The following FKBP5 variants were observed in gnomAD, a reference collection of about 807,000 sequenced individuals.
The protein encoded by FKBP5 is peptidyl-prolyl cis-trans isomerase FKBP5.
A neutral mutation model predicts 50.5 loss-of-function variants in FKBP5; 23 were observed. The ratio of observed to expected loss-of-function variants is 0.46; its 90% CI spans 0.33 to 0.65. The LOEUF (loss-of-function observed/expected upper bound fraction) is 0.65, where lower values mean the gene tolerates loss of function less well. Among genes scored for constraint, FKBP5 ranks in the 30% least tolerant of loss-of-function variants. The pLI is 0.02. For synonymous variants in FKBP5, 176 were observed against 190.6 expected, an observed-to-expected ratio of 0.92 and a Z score of 0.63; for missense variants, 411 against 553.1, an observed-to-expected ratio of 0.74 and a Z score of 2.58.
At chr6:35,625,767 AATTT>A (rs532035754) in intron 3 of FKBP5, among the ~76,000 whole-genome samples, 46 of 147,062 alleles carry the variant, frequency 3.1e-4, no homozygotes, top group Non-Finnish European at 5.7e-4. Flanking sequence ...ACATAATGTC[AATTT>A]ATTTATTTAT....
intron 5 of FKBP5, among the ~76,000 whole-genome samples, chr6:35,610,190 T>C (rs1763446523): frequency 1.3e-5 from 2 of 152,144 alleles, no homozygotes; most frequent in African/African-American, 4.8e-5. Flanking sequence ...CACAGGAAAG[T>C]TGACTTTAGG....
chr6:35,577,054 G>C lies in FKBP5; in HGVS notation c.1206C>G (p.Asn402Lys), dbSNP rs373264047. 2 of 1,614,054 alleles carry C rather than the reference G, an allele frequency of 1.2e-6. No homozygotes were observed. The highest frequency in any genetic ancestry group is 1.7e-6 in the Non-Finnish European group (2 of 1,180,032). The change falls in exon 10 of 11, where the codon AAC (asparagine) becomes AAG (lysine). Residue 402 changes from asparagine to lysine, a missense_variant. Asn to Lys is a moderately conservative substitution (Grantham distance 94). Transcript: ENST00000357266. ...SMCQKKAKEH[N>K]ERDRRIYANM... Reference sequence around the variant, plus strand: ...TGGCGTATATCCTGCGGTCCCGCTCGTTGTGCTCCTTGGCCTTTTTCTGGC... The same window carrying C: ...TGGCGTATATCCTGCGGTCCCGCTCCTTGTGCTCCTTGGCCTTTTTCTGGC...
Position 35,641,158 on chromosome 6 carries a change from T to G in FKBP5, c.105+1562A>C, listed in dbSNP as rs191157586. Among the ~76,000 whole-genome samples the G allele has an allele frequency of 7.7e-4, 118 of 152,282 alleles. 1 individual carries two copies. The highest frequency in any genetic ancestry group is 1.2e-3 in the Non-Finnish European group (84 of 68,030). On this transcript the variant is annotated intron_variant, in intron 2 of 10. Transcript: ENST00000357266. The stretch of plus-strand genomic sequence containing the variant: ...TATGCCTGGCTAATTTTTTTAATTT[T>G]TTTTCTACAGATAGGGGTCTTACTA...
chr6:35,597,883 CCTT>C (rs1763024944), intron 5 of FKBP5, among the ~76,000 whole-genome samples: 1 of 152,148 alleles, frequency 6.6e-6, no homozygotes, highest in Non-Finnish European at 1.5e-5. Context: ...TACAGATGCT[CCTT>C]CTTCTTTAAG....
chr6:35,618,726 G>A (rs965645224), intron 5 of FKBP5, among the ~76,000 whole-genome samples: 4 of 151,646 alleles, frequency 2.6e-5, no homozygotes, highest in African/African-American at 9.7e-5. Flanking sequence ...ACAGAGTCTT[G>A]CTTTGTCATC....
chr6:35,612,774 T>C (rs939673149), intron 5 of FKBP5, among the ~76,000 whole-genome samples: 1 of 152,182 alleles, frequency 6.6e-6, no homozygotes, highest in Non-Finnish European at 1.5e-5. Context: ...CACTCTATCA[T>C]GAGAACAGCA....
chr6:35,599,676 CA>C (rs1202393479), intron 5 of FKBP5, among the ~76,000 whole-genome samples: 1 of 152,136 alleles, frequency 6.6e-6, no homozygotes, highest in Non-Finnish European at 1.5e-5. Flanking sequence ...TCAGCTCCTC[CA>C]AACAAGGGCT....
rs570426590 is a variant in FKBP5 at position 35,640,046 on chromosome 6, ATTG to A, written c.105+2671_105+2673del. Among the ~76,000 whole-genome samples the A allele has an allele frequency of 2.8e-3, 431 of 152,376 alleles. 1 individual carries two copies. Among genetic ancestry groups the A allele is most frequent in the Middle Eastern group, 6.8e-3 (2 of 294 alleles). On this transcript the variant is annotated intron_variant, in intron 2 of 10. Transcript: ENST00000357266. ...AGAGATGCTCTGATTGTCTCACCAC[ATTG>A]TTGTAAGAAACAAAACAAAAGAAAT...
At chr6:35,683,118 A>ATGTGTGTGTGTG (rs1269365673) in intron 1 of FKBP5, among the ~76,000 whole-genome samples, 7 of 108,814 alleles carry the variant, frequency 6.4e-5, no homozygotes, top group South Asian at 3.2e-4. Context: ...ATATATACGT[A>ATGTGTGTGTGTG]TATGTGTGTG....
Position 35,661,967 on chromosome 6 carries a change from G to A in FKBP5, c.-19-19124C>T, listed in dbSNP as rs201436542. On this transcript the variant is annotated intron_variant, in intron 1 of 10. Coordinates refer to ENST00000357266, the MANE Select transcript of FKBP5 (RefSeq NM_004117.4). ...TGAGGACTAAAGTAATGCACATAAA[G>A]GGCTTTGTACAGTGCCTGTTACATG... 1.0e-3 allele frequency among the ~76,000 whole-genome samples: 21 copies of A among 20,604 alleles called. 8 individuals carry two copies. The East Asian group carries it at 0.038, about 37-fold the overall frequency. The allele number at this position is 20,604 out of a possible 152,430, so 13.5% of individuals were successfully genotyped here.
rs1762180647 is a variant in FKBP5 at position 35,575,424 on chromosome 6, A to G, written c.*411T>C. 1 of 166,540 alleles carries G rather than the reference A, an allele frequency of 6.0e-6. No homozygotes were observed. Among genetic ancestry groups the G allele is most frequent in the South Asian group, 1.6e-4 (1 of 6,192 alleles). 10.3% of individuals were successfully genotyped at this position (166,540 alleles called of 1,614,324 possible). A position where few individuals can be genotyped will look rare whatever the true frequency, so the allele number is the denominator to read the frequency against. On this transcript the variant is annotated 3_prime_UTR_variant, in exon 11 of 11. Transcript: ENST00000357266. The stretch of plus-strand genomic sequence containing the variant: ...CCCCTACCCTACCCAACTGTAGGAA[A>G]GGAGAAATTCATGAAGCATTTTTTT...
chr6:35,627,227 A>T (rs1336600377), intron 3 of FKBP5, among the ~76,000 whole-genome samples: 2 of 152,090 alleles, frequency 1.3e-5, no homozygotes, highest in Admixed American at 1.3e-4. Flanking sequence ...TTCCCTAATG[A>T]TTAGTGATGT....
chr6:35,675,070 G>A (rs1471716134), intron 1 of FKBP5, among the ~76,000 whole-genome samples: 1 of 152,228 alleles, frequency 6.6e-6, no homozygotes, highest in Non-Finnish European at 1.5e-5. Flanking sequence ...GACATACTAG[G>A]CGCTGAGCTA....
At chr6:35,630,193 C>CGT (rs1561866505) in intron 3 of FKBP5, among the ~76,000 whole-genome samples, 6 of 149,402 alleles carry the variant, frequency 4.0e-5, no homozygotes, top group African/African-American at 1.2e-4. Flanking sequence ...AGAGAGAGAG[C>CGT]GAGCGAACAC....
rs866724807 is a variant in FKBP5, at chr6:35,615,152, A to T, written c.508+3944T>A. On this transcript the variant is annotated intron_variant, in intron 5 of 10. Transcript: ENST00000357266. ...CAACAACAACAACAACAACAACAAC[A>T]ACTACACACACACACACACACACAC... Among the ~76,000 whole-genome samples the T allele has an allele frequency of 7.8e-3, 708 of 91,330 alleles. 6 individuals carry two copies. Among genetic ancestry groups the T allele is most frequent in the African/African-American group, 0.021 (514 of 24,858 alleles). 59.9% of individuals were successfully genotyped at this position (91,330 alleles called of 152,430 possible).
At chr6:35,672,522 T>G (rs1765416102) in intron 1 of FKBP5, among the ~76,000 whole-genome samples, 1 of 151,780 alleles carries the variant, frequency 6.6e-6, no homozygotes, top group Admixed American at 6.6e-5. Flanking sequence ...GTCTACGACA[T>G]CTTTATGCAT....
Position 35,582,376 on chromosome 6 carries a change from G to A in FKBP5, c.841-2155C>T, listed in dbSNP as rs9470065. ...CCCGAATGTGATATTTGCAGATGGA[G>A]CATTTGGGGAGGGAATTAGGTTAGA... On this transcript the variant is annotated intron_variant, in intron 8 of 10. Transcript: ENST00000357266. 6.2e-3 allele frequency: 5,079 copies of A among 822,288 alleles called. 208 individuals are homozygous for A. In the African/African-American group the frequency reaches 0.086, roughly 14 times the overall value. The allele number at this position is 822,288 out of a possible 1,614,324, so 50.9% of individuals were successfully genotyped here. A position where few individuals can be genotyped will look rare whatever the true frequency, so the allele number is the denominator to read the frequency against.
chr6:35,665,254 G>T (rs537608948), intron 1 of FKBP5, among the ~76,000 whole-genome samples: 3 of 150,884 alleles, frequency 2.0e-5, no homozygotes, highest in Admixed American at 6.6e-5. Context: ...AGCACTCAGG[G>T]TCTTCTGCTC....
At chr6:35,702,366 G>T (rs1037487325) in intron 2 of FKBP5, among the ~76,000 whole-genome samples, 34 of 60,538 alleles carry the variant, frequency 5.6e-4, no homozygotes, top group African/African-American at 2.7e-3. Context: ...TACAATAAAG[G>T]TTAAAAAAAA....
Sources: allele counts gnomAD v4.1 joint callset (sites outside exome capture counted in the v4.1 genomes callset), GRCh38; gene constraint gnomAD v4.1.1; transcripts MANE v1.5; gene names NCBI Gene and HGNC (gene_info 2026-07-23, HGNC 2026-07-21).